Variants in DPYS observed in about 807,000 individuals in gnomAD.
DPYS encodes dihydropyrimidinase.
Under a neutral mutation model 50.3 loss-of-function variants are expected in DPYS, and 39 were observed. The ratio of observed to expected loss-of-function variants is 0.78; its 90% CI spans 0.60 to 1.01. DPYS has a LOEUF of 1.01. Ranked by LOEUF, DPYS falls within the 50% of genes least tolerant of loss-of-function variation. The pLI, the probability that DPYS is intolerant of heterozygous loss-of-function variation, is 0.00. For missense variants in DPYS, 659 were observed against 680.9 expected, an observed-to-expected ratio of 0.97 and a Z score of 0.36; for synonymous variants, 245 against 250.7, an observed-to-expected ratio of 0.98 and a Z score of 0.22.
chr8:104,419,014 C>A (rs1276129165), intron 7 of DPYS: 36 of 985,328 alleles, frequency 3.7e-5, no homozygotes, highest in Non-Finnish European at 4.2e-5. Context: ...TTCATTTCAT[C>A]TCTCTAAGAG....
At chr8:104,460,381 C>T (rs1814081844) in intron 1 of DPYS, among the ~76,000 whole-genome samples, 1 of 152,158 alleles carries the variant, frequency 6.6e-6, no homozygotes, top group African/African-American at 2.4e-5. Flanking sequence ...CCTTTGCTCT[C>T]TCTCCTGCCA....
intron 4 of DPYS, among the ~76,000 whole-genome samples, chr8:104,439,094 G>A (rs953788203): frequency 6.6e-6 from 1 of 151,632 alleles, no homozygotes; most frequent in South Asian, 2.1e-4. Flanking sequence ...CCTAAAACAG[G>A]TAAAATAAAA....
chr8:104,417,860 C>T (rs764679946), intron 7 of DPYS, among the ~76,000 whole-genome samples: 11 of 152,200 alleles, frequency 7.2e-5, no homozygotes, highest in Non-Finnish European at 1.3e-4. Flanking sequence ...ACTCCCAATT[C>T]TCTCTCGCCA....
chr8:104,432,113 C>T (rs1350349870), intron 4 of DPYS, among the ~76,000 whole-genome samples: 2 of 152,304 alleles, frequency 1.3e-5, no homozygotes, highest in East Asian at 3.9e-4. Flanking sequence ...AAAGGAACAT[C>T]TTCATCATTA....
chr8:104,406,453 C>T (rs1588415863), intron 7 of DPYS, among the ~76,000 whole-genome samples: 1 of 152,310 alleles, frequency 6.6e-6, no homozygotes, highest in Admixed American at 6.5e-5. Context: ...CAATGCTCCA[C>T]CTTCCCCCGG....
chr8:104,380,996 A>G (rs749860885), intron 9 of DPYS, 188 bp downstream of exon 9: 8 of 568,818 alleles, frequency 1.4e-5, no homozygotes, highest in Non-Finnish European at 2.5e-5. Context: ...TAGCAAGCCC[A>G]AGGCCTTCTA....
chr8:104,435,237 G>C (rs777204781), intron 4 of DPYS, among the ~76,000 whole-genome samples: 3 of 152,072 alleles, frequency 2.0e-5, no homozygotes, highest in African/African-American at 7.2e-5. Context: ...ACAAAAACTG[G>C]ACTGAAGTGG....
rs1296797532 is a variant in DPYS at position 104,392,885 on chromosome 8, A to G, written c.1342T>C (p.Tyr448His). ...GTGACACTGAACACTCCGGCTTCATATACCACTTTGCCTCTTGAAATAGTC... is the reference window on the plus strand; with the variant it reads ...GTGACACTGAACACTCCGGCTTCATGTACCACTTTGCCTCTTGAAATAGTC... ...LVTISRGKVVYEAGVFSVTAG... is the reference protein window; with the variant it reads ...LVTISRGKVVHEAGVFSVTAG... Residue 448 changes from tyrosine (Y) to histidine (H), a missense_variant, in exon 8 of 10, where the codon TAT (tyrosine) becomes CAT (histidine). Physicochemically the swap from Tyr to His is moderately conservative, Grantham distance 83. Coordinates refer to ENST00000351513, the MANE Select transcript of DPYS (RefSeq NM_001385.3). The G allele has an allele frequency of 6.2e-7, 1 of 1,614,186 alleles. No individual in the cohort carries two copies. Among genetic ancestry groups the G allele is most frequent in the East Asian group, 2.2e-5 (1 of 44,882 alleles).
At chr8:104,459,870 C>A (rs2140767750) in intron 1 of DPYS, among the ~76,000 whole-genome samples, 1 of 152,210 alleles carries the variant, frequency 6.6e-6, no homozygotes, top group Middle Eastern at 3.4e-3. Context: ...TTCTAAAAGT[C>A]ATTTGTTTTC....
intron 4 of DPYS, among the ~76,000 whole-genome samples, chr8:104,439,335 T>C (rs1316172542): frequency 1.3e-5 from 2 of 152,138 alleles, no homozygotes; most frequent in East Asian, 1.9e-4. Context: ...CTGAGGGAGA[T>C]AGAAGATACT....
chr8:104,443,636 T>G (rs749528615), intron 4 of DPYS, among the ~76,000 whole-genome samples: 5 of 152,190 alleles, frequency 3.3e-5, no homozygotes, highest in Non-Finnish European at 7.3e-5. Flanking sequence ...CTCACACCTG[T>G]AATCCCAGCA....
At chr8:104,464,345 G>A (rs1010679268) in intron 1 of DPYS, among the ~76,000 whole-genome samples, 4 of 152,118 alleles carry the variant, frequency 2.6e-5, no homozygotes, top group African/African-American at 9.7e-5. Flanking sequence ...AGGACCTTGG[G>A]GCACGCAAAG....
At chr8:104,432,672 G>T (rs1346018108) in intron 4 of DPYS, among the ~76,000 whole-genome samples, 2 of 152,216 alleles carry the variant, frequency 1.3e-5, no homozygotes, top group Admixed American at 6.5e-5. Flanking sequence ...ACAGATTTAG[G>T]TTCAAATCCT....
chr8:104,388,437 T>C (rs1811281584), intron 8 of DPYS, among the ~76,000 whole-genome samples: 1 of 152,234 alleles, frequency 6.6e-6, no homozygotes, highest in South Asian at 2.1e-4. Context: ...TGTTGGAACT[T>C]ATAACACTCT....
intron 7 of DPYS, among the ~76,000 whole-genome samples, chr8:104,394,201 C>G (rs1203040686): frequency 6.6e-6 from 1 of 152,152 alleles, no homozygotes. Flanking sequence ...TAAGGAGGAG[C>G]AGCTCAAAGT....
chr8:104,393,757 A>G (rs2140523417), intron 7 of DPYS, among the ~76,000 whole-genome samples: 1 of 152,336 alleles, frequency 6.6e-6, no homozygotes, highest in African/African-American at 2.4e-5. Context: ...AAAGAAAAAA[A>G]TCTGGCAGCA....
At chr8:104,436,086 T>C (rs1467622170) in intron 4 of DPYS, among the ~76,000 whole-genome samples, 1 of 152,096 alleles carries the variant, frequency 6.6e-6, no homozygotes, top group Non-Finnish European at 1.5e-5. Flanking sequence ...TGATGCTAGA[T>C]TGAGGTCCCT....
chr8:104,448,413 C>T (rs1474025532), intron 2 of DPYS, among the ~76,000 whole-genome samples: 3 of 152,126 alleles, frequency 2.0e-5, no homozygotes, highest in Admixed American at 6.5e-5. Context: ...TCCTTGGCCT[C>T]CCAAAGTGCT....
rs148255570 is a variant in DPYS at position 104,442,287 on chromosome 8, C to T, written c.793+1961G>A. On this transcript the variant is annotated intron_variant, in intron 4 of 9. Transcript: ENST00000351513. ...ACCCTCCCTAGACTTTTACTTTGCTCCTAATGGAATTCTATCCCAATGCAA... is the reference window on the plus strand; with the variant it reads ...ACCCTCCCTAGACTTTTACTTTGCTTCTAATGGAATTCTATCCCAATGCAA... Among the ~76,000 whole-genome samples, 106 of 152,294 alleles carry T rather than the reference C, an allele frequency of 7.0e-4. 1 individual carries two copies. In the East Asian group the frequency reaches 0.019, roughly 27 times the overall value.
Sources: gnomAD v4.1 joint callset for allele counts (sites outside exome capture counted in the v4.1 genomes callset) on GRCh38, gnomAD v4.1.1 for gene constraint, MANE v1.5 for transcripts, NCBI Gene and HGNC (gene_info 2026-07-23, HGNC 2026-07-21) for gene names.